MPPED1: variants seen among roughly 807,000 people sequenced by gnomAD.
MPPED1 encodes metallophosphoesterase domain containing 1.
MPPED1 carries 16 observed loss-of-function variants against 36.2 expected under a neutral mutation model. That is an observed-to-expected ratio of 0.44 (90% CI 0.30 to 0.67). The LOEUF is 0.67. Ranked by LOEUF, MPPED1 falls within the 30% of genes least tolerant of loss-of-function variation. MPPED1 has a pLI of 0.10. For missense variants in MPPED1, 307 were observed against 453.4 expected, an observed-to-expected ratio of 0.68 and a Z score of 2.93; for synonymous variants, 199 against 191.3, an observed-to-expected ratio of 1.04 and a Z score of -0.33.
intron 3 of MPPED1, among the ~76,000 whole-genome samples, chr22:43,473,807 C>T (rs1451126575): frequency 6.6e-6 from 1 of 152,112 alleles, no homozygotes; most frequent in Admixed American, 6.5e-5. Context: ...GGGCAGCTGC[C>T]GAGAAACCAG....
rs893233937 is a variant in MPPED1 at position 43,502,864 on chromosome 22, C to T, written c.862+107C>T. 16 of 912,754 alleles carry T rather than the reference C, an allele frequency of 1.8e-5. No homozygotes were observed. Among genetic ancestry groups the T allele is most frequent in the Non-Finnish European group, 2.7e-5 (15 of 563,746 alleles). 56.5% of individuals were successfully genotyped at this position (912,754 alleles called of 1,614,324 possible). On this transcript the variant is annotated intron_variant, in intron 6 of 6. Transcript: ENST00000443721. This position sits in a 1 kb window ranked among gnomAD's most constrained non-coding sequence, Gnocchi z 5.5. The stretch of plus-strand genomic sequence containing the variant: ...CAGAAGGGAAATAAATAGCCCATTC[C>T]TACTGTTCGCTTTGTAACTGCTAAC...
At chr22:43,504,292 A>G (rs1306403684) in intron 6 of MPPED1, among the ~76,000 whole-genome samples, 1 of 151,004 alleles carries the variant, frequency 6.6e-6, no homozygotes, top group African/African-American at 2.4e-5. Context: ...GAGGGTGATA[A>G]TAATGACAGT....
At chr22:43,414,195 A>C (rs1825287547) in intron 1 of MPPED1, among the ~76,000 whole-genome samples, 1 of 152,166 alleles carries the variant, frequency 6.6e-6, no homozygotes, top group Admixed American at 6.5e-5. Context: ...GCTTTTAATA[A>C]ATTCCCAGCT....
chr22:43,473,663 G>A (rs1175780168), intron 3 of MPPED1, among the ~76,000 whole-genome samples: 2 of 152,216 alleles, frequency 1.3e-5, no homozygotes, highest in African/African-American at 4.8e-5. Flanking sequence ...GGAGTGGGGA[G>A]TCAGGGGCCC....
intron 3 of MPPED1, among the ~76,000 whole-genome samples, chr22:43,456,420 C>T (rs190829609): frequency 3.0e-4 from 46 of 152,332 alleles, no homozygotes; most frequent in Non-Finnish European, 5.4e-4. Context: ...CACCACCATG[C>T]CCAGCTCGCT....
chr22:43,500,275 TGGC>T (rs1330629001), intron 5 of MPPED1, among the ~76,000 whole-genome samples: 3,524 of 104,468 alleles, frequency 0.034, 648 homozygotes, highest in African/African-American at 0.052. Context: ...GTGATGGAGG[TGGC>T]GGTGGTGATG....
intron 3 of MPPED1, among the ~76,000 whole-genome samples, chr22:43,461,520 G>A (rs888333933): frequency 2.6e-5 from 4 of 152,180 alleles, no homozygotes; most frequent in Non-Finnish European, 4.4e-5. Flanking sequence ...GTGGAGGACC[G>A]TGTGCTCAAA....
chr22:43,441,902 G>A (rs1305754195), intron 3 of MPPED1, among the ~76,000 whole-genome samples: 1 of 152,212 alleles, frequency 6.6e-6, no homozygotes, highest in East Asian at 1.9e-4. Context: ...TTGCCTCTTT[G>A]TGATTTAATC....
chr22:43,485,538 C>T (rs1931886513), intron 4 of MPPED1, among the ~76,000 whole-genome samples: 1 of 143,770 alleles, frequency 7.0e-6, no homozygotes, highest in Admixed American at 6.6e-5. Flanking sequence ...CATTCACACT[C>T]ACACACAGAG....
chr22:43,467,309 G>A (rs1931207213), intron 3 of MPPED1, among the ~76,000 whole-genome samples: 1 of 152,216 alleles, frequency 6.6e-6, no homozygotes, highest in African/African-American at 2.4e-5. Flanking sequence ...TGGACAGGGC[G>A]CTCAGTACAG....
chr22:43,467,346 G>T (rs548908317), intron 3 of MPPED1, among the ~76,000 whole-genome samples: 3 of 152,224 alleles, frequency 2.0e-5, no homozygotes, highest in African/African-American at 7.2e-5. Context: ...TTCTGCAGGC[G>T]CAGCCCTGCA....
At chr22:43,421,476 C>T (rs999200079) in intron 1 of MPPED1, among the ~76,000 whole-genome samples, 2 of 152,254 alleles carry the variant, frequency 1.3e-5, no homozygotes, top group African/African-American at 4.8e-5. Flanking sequence ...CATGCTAGCG[C>T]CTGCTCCTCT....
chr22:43,491,731 T>TCGTGGTGGTGATGGA (rs1555903843), intron 4 of MPPED1, among the ~76,000 whole-genome samples: 10 of 111,960 alleles, frequency 8.9e-5, no homozygotes, highest in African/African-American at 3.7e-4. Flanking sequence ...AAGATGATGC[T>TCGTGGTGGTGATGGA]GGTGGTGGTG....
intron 1 of MPPED1, among the ~76,000 whole-genome samples, chr22:43,415,730 GT>G (rs1386544367): frequency 6.6e-6 from 1 of 152,140 alleles, no homozygotes; most frequent in Non-Finnish European, 1.5e-5. Context: ...TCTGCATCCA[GT>G]TCAAAGCCAG....
chr22:43,419,299 G>C (rs974678603), intron 1 of MPPED1: 2 of 152,236 alleles, frequency 1.3e-5, no homozygotes, highest in Non-Finnish European at 2.9e-5. Flanking sequence ...GGAAGCCTTG[G>C]GGGCTGTGGG....
intron 3 of MPPED1, among the ~76,000 whole-genome samples, chr22:43,453,131 T>A (rs1341582636): frequency 6.6e-6 from 1 of 152,016 alleles, no homozygotes; most frequent in Non-Finnish European, 1.5e-5. Flanking sequence ...TTGTATTTTT[T>A]AATAGAGACG....
At position 43,431,300 on chromosome 22, in the gene MPPED1, C is replaced by T. The variant is rs112124224; in HGVS notation, c.225-3734C>T. Among the ~76,000 whole-genome samples, 19 of 152,128 alleles carry T rather than the reference C, an allele frequency of 1.2e-4. 2 individuals are homozygous for T. The highest frequency in any genetic ancestry group is 4.6e-4 in the African/African-American group (19 of 41,506). ...TCAAGTGATCCACCCACCTTGGCCT[C>T]CCAAAGTGCTGGGAATACAGGTGTG... On this transcript the variant is annotated intron_variant, in intron 2 of 6. Transcript: ENST00000443721.
At chr22:43,483,769 A>T (rs1211732882) in intron 4 of MPPED1, among the ~76,000 whole-genome samples, 3 of 152,052 alleles carry the variant, frequency 2.0e-5, no homozygotes, top group Non-Finnish European at 4.4e-5. Context: ...GCCCAGTTTG[A>T]GGGTGCTCCC....
At chr22:43,434,719 G>A (rs940605620) in intron 2 of MPPED1, among the ~76,000 whole-genome samples, 4 of 152,236 alleles carry the variant, frequency 2.6e-5, no homozygotes, top group African/African-American at 9.6e-5. Flanking sequence ...ACCTCAGCTC[G>A]GAGGGCAGAT....
Sources: allele counts gnomAD v4.1 joint callset (sites outside exome capture counted in the v4.1 genomes callset), GRCh38; gene constraint gnomAD v4.1.1; non-coding constraint Gnocchi (gnomAD v3.1); transcripts MANE v1.5; gene names NCBI Gene and HGNC (gene_info 2026-07-23, HGNC 2026-07-21).